The following MACROD2 variants were observed in gnomAD, a reference collection of about 807,000 sequenced individuals.
The protein encoded by MACROD2 is mono-ADP ribosylhydrolase 2.
Under a neutral mutation model 70.4 loss-of-function variants are expected in MACROD2, and 36 were observed. The ratio of observed to expected loss-of-function variants is 0.51; its 90% CI spans 0.39 to 0.68. MACROD2 has a LOEUF of 0.68. Among genes scored for constraint, MACROD2 ranks in the 30% least tolerant of loss-of-function variants. The pLI, the probability that MACROD2 is intolerant of heterozygous loss-of-function variation, is 0.00. For synonymous variants in MACROD2, 172 were observed against 178.8 expected (o/e 0.96, Z 0.30); for missense variants, 496 against 538.4 (o/e 0.92, Z 0.78).
At chr20:14,132,822 T>C (rs955037342) in intron 3 of MACROD2, among the ~76,000 whole-genome samples, 4 of 151,958 alleles carry the variant, frequency 2.6e-5, no homozygotes, top group Non-Finnish European at 2.9e-5. Context: ...TTATTTTTAT[T>C]TGTAGAGTTG....
At chr20:15,056,449 C>T (rs774337059) in intron 5 of MACROD2, among the ~76,000 whole-genome samples, 5 of 152,132 alleles carry the variant, frequency 3.3e-5, no homozygotes, top group Non-Finnish European at 7.4e-5. Flanking sequence ...TTTCCACCCT[C>T]CCTTGCAGCT....
intron 8 of MACROD2, among the ~76,000 whole-genome samples, chr20:15,722,996 G>A (rs2050809238): frequency 6.6e-6 from 1 of 152,044 alleles, no homozygotes; most frequent in African/African-American, 2.4e-5. Flanking sequence ...TTTGTTATGT[G>A]TCAAATGTCT....
intron 5 of MACROD2, among the ~76,000 whole-genome samples, chr20:15,056,375 A>C (rs1189314956): frequency 6.6e-6 from 1 of 152,050 alleles, no homozygotes; most frequent in Non-Finnish European, 1.5e-5. Context: ...TGCCCCAAGC[A>C]CTCAGAGCTC....
chr20:15,131,151 T>A (rs1231013191), intron 5 of MACROD2, among the ~76,000 whole-genome samples: 1 of 152,090 alleles, frequency 6.6e-6, no homozygotes, highest in Non-Finnish European at 1.5e-5. Context: ...ACATAGAGGT[T>A]CTAGATTAAC....
chr20:14,901,970 T>C (rs1191335659), intron 5 of MACROD2, among the ~76,000 whole-genome samples: 1 of 152,108 alleles, frequency 6.6e-6, no homozygotes, highest in South Asian at 2.1e-4. Context: ...TCACACAAAA[T>C]TGGTATAAAA....
chr20:15,786,213 T>C (rs1031738898), intron 8 of MACROD2, among the ~76,000 whole-genome samples: 1 of 149,800 alleles, frequency 6.7e-6, no homozygotes, highest in Non-Finnish European at 1.5e-5. Context: ...ATGACAGCTA[T>C]TATAGACAGT....
chr20:14,359,415 T>C (rs976666158), intron 3 of MACROD2, among the ~76,000 whole-genome samples: 3 of 152,110 alleles, frequency 2.0e-5, no homozygotes, highest in Admixed American at 2.0e-4. Flanking sequence ...TGGAGATTCC[T>C]CAAAATATTA....
intron 5 of MACROD2, among the ~76,000 whole-genome samples, chr20:14,979,044 T>C (rs541720485): frequency 5.3e-5 from 8 of 149,746 alleles, no homozygotes; most frequent in African/African-American, 1.7e-4. Context: ...CTCGGACTCC[T>C]GGGCTCAAGT....
At chr20:15,212,027 G>T (rs2076768162) in intron 5 of MACROD2, among the ~76,000 whole-genome samples, 2 of 152,098 alleles carry the variant, frequency 1.3e-5, no homozygotes. Context: ...ATTAATATCT[G>T]CCTTTTTGTT....
intron 10 of MACROD2, among the ~76,000 whole-genome samples, chr20:15,887,434 G>A (rs1161742863): frequency 1.3e-5 from 2 of 152,172 alleles, no homozygotes; most frequent in Non-Finnish European, 2.9e-5. Flanking sequence ...AACTGTAGCA[G>A]TGGCTGTTGG....
intron 8 of MACROD2, among the ~76,000 whole-genome samples, chr20:15,821,566 A>G (rs1422374464): frequency 6.6e-6 from 1 of 152,094 alleles, no homozygotes; most frequent in Non-Finnish European, 1.5e-5. Flanking sequence ...TGTACAGTCA[A>G]CCCTCTGAAT....
chr20:14,275,697 C>A (rs867982652), intron 3 of MACROD2, among the ~76,000 whole-genome samples: 2 of 152,222 alleles, frequency 1.3e-5, no homozygotes, highest in African/African-American at 4.8e-5. Context: ...AACAGACAGC[C>A]TACAGAATGG....
chr20:14,621,505 C>G (rs1252625435), intron 4 of MACROD2, among the ~76,000 whole-genome samples: 1 of 152,096 alleles, frequency 6.6e-6, no homozygotes, highest in East Asian at 1.9e-4. Context: ...CCTCATACAG[C>G]CCTATGTTTC....
At chr20:14,625,989 A>AT (rs1243746418) in intron 4 of MACROD2, among the ~76,000 whole-genome samples, 3 of 151,950 alleles carry the variant, frequency 2.0e-5, no homozygotes, top group Non-Finnish European at 4.4e-5. Context: ...TGCCCGGCTA[A>AT]TTTTTTTGGT....
At chr20:14,807,338 A>G (rs970144456) in intron 5 of MACROD2, among the ~76,000 whole-genome samples, 1 of 152,140 alleles carries the variant, frequency 6.6e-6, no homozygotes, top group East Asian at 1.9e-4. Flanking sequence ...CAGAAGACCT[A>G]CAGAAGAGGG....
At chr20:15,757,810 C>T (rs1255088023) in intron 8 of MACROD2, among the ~76,000 whole-genome samples, 1 of 152,134 alleles carries the variant, frequency 6.6e-6, no homozygotes, top group African/African-American at 2.4e-5. Context: ...GGACACAAAT[C>T]CCATCATGGG....
intron 3 of MACROD2, among the ~76,000 whole-genome samples, chr20:14,367,017 A>T (rs1166626138): frequency 6.6e-6 from 1 of 151,840 alleles, no homozygotes; most frequent in Non-Finnish European, 1.5e-5. Context: ...TAACTTTTTG[A>T]AGTGTGCTTT....
intron 5 of MACROD2, among the ~76,000 whole-genome samples, chr20:14,881,910 T>G (rs557784836): frequency 6.6e-6 from 1 of 152,340 alleles, no homozygotes; most frequent in East Asian, 1.9e-4. Flanking sequence ...AGGAGTAGAC[T>G]TCTATTTGTA....
chr20:14,024,391 T>C (rs538906795), intron 2 of MACROD2, among the ~76,000 whole-genome samples: 16 of 152,340 alleles, frequency 1.1e-4, no homozygotes, highest in Admixed American at 2.0e-4. Flanking sequence ...TTCTTTCTTT[T>C]GCGTGATTGC....
Sources: allele counts gnomAD v4.1 joint callset (sites outside exome capture counted in the v4.1 genomes callset), GRCh38; gene constraint gnomAD v4.1.1; transcripts MANE v1.5; gene names NCBI Gene and HGNC (gene_info 2026-07-23, HGNC 2026-07-21).